COL9A1: variants seen among roughly 807,000 people sequenced by gnomAD.
COL9A1 encodes the protein collagen alpha-1(IX) chain.
A neutral mutation model predicts 142.6 loss-of-function variants in COL9A1; 104 were observed. That is an observed-to-expected ratio of 0.73 (90% CI 0.62 to 0.86). The LOEUF (loss-of-function observed/expected upper bound fraction) is 0.86. Ranked by LOEUF, COL9A1 falls within the 40% of genes least tolerant of loss-of-function variation. The pLI, the probability that COL9A1 is intolerant of heterozygous loss-of-function variation, is 0.00. For missense variants in COL9A1, 1,210 were observed against 1,176.6 expected, an observed-to-expected ratio of 1.03 and a Z score of -0.42; for synonymous variants, 466 against 396.0, an observed-to-expected ratio of 1.18 and a Z score of -2.10.
chr6:70,227,837 C>T (rs776390677), intron 36 of COL9A1, among the ~76,000 whole-genome samples: 1 of 152,074 alleles, frequency 6.6e-6, no homozygotes, highest in Non-Finnish European at 1.5e-5. Context: ...TTGGAATGGT[C>T]TCCATGGCAT....
chr6:70,271,655 A>C lies in COL9A1; in HGVS notation c.1143T>G (p.Val381=). 6.2e-7 allele frequency: 1 copy of C among 1,613,568 alleles called. No individual in the cohort carries two copies. The highest frequency in any genetic ancestry group is 1.1e-5 in the South Asian group (1 of 91,072). Reference sequence around the variant, plus strand: ...TATCAAAGTGCACTGTGGTACTCACAACAGGTCCTACACGGCCAAGCTCTC... The same window carrying C: ...TATCAAAGTGCACTGTGGTACTCACCACAGGTCCTACACGGCCAAGCTCTC... ...LPGELGRVGP[V]GDPGRRGPPG... is the part of the protein sequence containing the mutation. The change falls in exon 14 of 38, where the codon GTT becomes GTG. Residue 381 remains valine (V), a splice_region_variant and synonymous_variant. Coordinates refer to ENST00000357250, the MANE Select transcript of COL9A1 (RefSeq NM_001851.6).
At chr6:70,268,053 T>A (rs1240263477) in intron 17 of COL9A1, among the ~76,000 whole-genome samples, 1 of 152,232 alleles carries the variant, frequency 6.6e-6, no homozygotes, top group African/African-American at 2.4e-5. Flanking sequence ...TGGAAAACTT[T>A]CAAGTAATTA....
intron 36 of COL9A1, 142 bp downstream of exon 36, chr6:70,232,441 C>A: frequency 1.0e-6 from 1 of 979,976 alleles, no homozygotes; most frequent in Non-Finnish European, 1.6e-6. Flanking sequence ...GAATCTTCAC[C>A]GTCACTATTG....
chr6:70,240,672 G>GAA lies in COL9A1; in HGVS notation c.2079+15_2079+16dup. On this transcript the variant is annotated intron_variant, in intron 32 of 37. Transcript: ENST00000357250. ...ATTGGTAAAGCTTCATCATTAACCA[G>GAA]AAAAAAAAAATCTTACAAGTTCCCC... The GAA allele has an allele frequency of 3.3e-6, 5 of 1,504,332 alleles. No homozygotes were observed. Among genetic ancestry groups the GAA allele is most frequent in the African/African-American group, 1.4e-5 (1 of 71,080 alleles). The allele number at this position is 1,504,332 out of a possible 1,614,324, so 93.2% of individuals were successfully genotyped here. A position where few individuals can be genotyped will look rare whatever the true frequency, so the allele number is the denominator to read the frequency against.
chr6:70,275,432 T>C (rs999270071), intron 10 of COL9A1, among the ~76,000 whole-genome samples: 6 of 131,748 alleles, frequency 4.6e-5, no homozygotes, highest in African/African-American at 2.2e-4. Flanking sequence ...ATTAAGTATA[T>C]ATGTTCATGT....
In COL9A1 at chr6:70,222,546, G is replaced by A. The variant is rs985538889; in HGVS notation, c.2581+3386C>T. 3.9e-5 allele frequency among the ~76,000 whole-genome samples: 6 copies of A among 152,264 alleles called. No homozygotes were observed. The South Asian group carries it at 1.0e-3, about 26-fold the overall frequency. ...TAACCTGTGTTCCATAACAAGCAAT[G>A]AGCATTATGTCCCTGCAGGGCATGT... is the stretch of plus-strand genomic sequence containing the variant. On this transcript the variant is annotated intron_variant, in intron 37 of 37. Coordinates refer to ENST00000357250, the MANE Select transcript of COL9A1 (RefSeq NM_001851.6).
intron 10 of COL9A1, among the ~76,000 whole-genome samples, chr6:70,276,595 G>T (rs759978973): frequency 1.3e-5 from 2 of 152,152 alleles, no homozygotes; most frequent in African/African-American, 2.4e-5. Flanking sequence ...AATGGATTCT[G>T]GTGTCAGATG....
chr6:70,289,183 C>T (rs538308105), intron 5 of COL9A1, among the ~76,000 whole-genome samples: 5 of 152,206 alleles, frequency 3.3e-5, no homozygotes, highest in Non-Finnish European at 7.4e-5. Flanking sequence ...ATTCTACTGA[C>T]ACCACACTGG....
chr6:70,255,495 C>T (rs1431906149), intron 21 of COL9A1, 105 bp from the exon 22 acceptor site: 2 of 981,504 alleles, frequency 2.0e-6, no homozygotes, highest in South Asian at 1.3e-5. Context: ...AGTCTTCCAC[C>T]ACAATGGCTT....
chr6:70,243,514 A>G (rs1040655), intron 28 of COL9A1, among the ~76,000 whole-genome samples: 9,965 of 152,194 alleles, frequency 0.065, 356 homozygotes, highest in Non-Finnish European at 0.075. Flanking sequence ...CAATCTGACA[A>G]AAGTTCATTT....
chr6:70,296,811 G>T (rs1046002518), intron 4 of COL9A1, among the ~76,000 whole-genome samples: 4 of 151,974 alleles, frequency 2.6e-5, no homozygotes, highest in Non-Finnish European at 5.9e-5. Context: ...TAATGATTTG[G>T]ATTTAACCAG....
chr6:70,234,466 G>T, intron 35 of COL9A1, 73 bp downstream of exon 35: 1 of 1,466,148 alleles, frequency 6.8e-7, no homozygotes, highest in Non-Finnish European at 9.6e-7. Flanking sequence ...TTACCCTTGT[G>T]TATCTACAAG....
rs1773286522 is a variant in COL9A1, at chr6:70,283,209, G to GT, written c.781-292dup. 23 of 1,464,612 alleles carry GT rather than the reference G, an allele frequency of 1.6e-5. No homozygotes were observed. In the South Asian group the frequency reaches 3.3e-4, roughly 21 times the overall value. The allele number at this position is 1,464,612 out of a possible 1,614,324, so 90.7% of individuals were successfully genotyped here. A position where few individuals can be genotyped will look rare whatever the true frequency, so the allele number is the denominator to read the frequency against. On this transcript the variant is annotated intron_variant, in intron 6 of 37. Transcript: ENST00000357250. ...AAGCGTCCAGGCCCGGGAGGCGCGCGTTCCCCCTGTTTATGAATGGCCCCG... is the reference window on the plus strand; with the variant it reads ...AAGCGTCCAGGCCCGGGAGGCGCGCGTTTCCCCCTGTTTATGAATGGCCCCG...
At chr6:70,235,506 C>T (rs932472991) in intron 33 of COL9A1, among the ~76,000 whole-genome samples, 3 of 152,002 alleles carry the variant, frequency 2.0e-5, no homozygotes, top group African/African-American at 7.2e-5. Flanking sequence ...GTTATTCTTG[C>T]AAAACGTTTA....
chr6:70,259,922 G>A (rs1037992196), intron 20 of COL9A1, among the ~76,000 whole-genome samples: 1 of 152,014 alleles, frequency 6.6e-6, no homozygotes, highest in Non-Finnish European at 1.5e-5. Flanking sequence ...TAAGGGCAGG[G>A]CTCATGGATC....
intron 20 of COL9A1, among the ~76,000 whole-genome samples, chr6:70,259,133 G>A (rs910915697): frequency 6.6e-6 from 1 of 151,698 alleles, no homozygotes; most frequent in Non-Finnish European, 1.5e-5. Context: ...CAAACAGCCT[G>A]GAAAAAAAAC....
intron 36 of COL9A1, among the ~76,000 whole-genome samples, chr6:70,227,004 C>T (rs1374043525): frequency 6.6e-6 from 1 of 151,948 alleles, no homozygotes; most frequent in Admixed American, 6.5e-5. Context: ...ATAGAAAGCC[C>T]AAAAAGTAGG....
chr6:70,296,406 A>C (rs1288868284), intron 4 of COL9A1, among the ~76,000 whole-genome samples: 1 of 152,146 alleles, frequency 6.6e-6, no homozygotes, highest in African/African-American at 2.4e-5. Context: ...ACATTTTAAA[A>C]TATTCAATAT....
chr6:70,259,864 G>T (rs959797562), intron 20 of COL9A1, among the ~76,000 whole-genome samples: 1 of 152,068 alleles, frequency 6.6e-6, no homozygotes, highest in Admixed American at 6.5e-5. Context: ...TCTGAGACTG[G>T]GCTAAGGGCA....
Sources: allele counts gnomAD v4.1 joint callset (sites outside exome capture counted in the v4.1 genomes callset), GRCh38; gene constraint gnomAD v4.1.1; transcripts MANE v1.5; gene names NCBI Gene and HGNC (gene_info 2026-07-23, HGNC 2026-07-21).